STPG2: variants seen among roughly 807,000 people sequenced by gnomAD.
The protein encoded by STPG2 is sperm-tail PG-rich repeat-containing protein 2.
STPG2 carries 56 observed loss-of-function variants against 54.2 expected under a neutral mutation model. The ratio of observed to expected loss-of-function variants is 1.03; its 90% CI spans 0.83 to 1.29. The LOEUF (loss-of-function observed/expected upper bound fraction) is 1.29. Ranked by LOEUF, STPG2 falls within the 50% of genes most tolerant of loss-of-function variation. The pLI is 0.00. For missense variants in STPG2, 596 were observed against 544.9 expected (o/e 1.09, Z -0.93); for synonymous variants, 200 against 181.8 (o/e 1.10, Z -0.81).
chr4:97,971,172 T>C (rs771214378), intron 7 of STPG2, among the ~76,000 whole-genome samples: 1 of 152,214 alleles, frequency 6.6e-6, no homozygotes, highest in Admixed American at 6.5e-5. Flanking sequence ...GGAGAGGACG[T>C]GGAGAAATAG....
chr4:97,636,041 T>C (rs1284366831), intron 10 of STPG2, among the ~76,000 whole-genome samples: 1 of 151,998 alleles, frequency 6.6e-6, no homozygotes. Context: ...AATATACATT[T>C]TTTTCAGCAC....
At chr4:97,745,257 A>T (rs1159806834) in intron 9 of STPG2, among the ~76,000 whole-genome samples, 1 of 98,336 alleles carries the variant, frequency 1.0e-5, no homozygotes, top group Non-Finnish European at 2.1e-5. Flanking sequence ...AAAAAAAACA[A>T]AAAAACAAAA....
chr4:98,106,172 G>T, intron 4 of STPG2, 108 bp from the exon 5 acceptor site: 3 of 785,742 alleles, frequency 3.8e-6, no homozygotes, highest in Non-Finnish European at 3.6e-6. Context: ...ATTAAACTAT[G>T]GAATAATAAG....
chr4:97,450,651 G>A (rs1379995177), intron 4 of STPG2, among the ~76,000 whole-genome samples: 3 of 152,164 alleles, frequency 2.0e-5, no homozygotes. Context: ...TTTAGTAACT[G>A]AAAGTAGGCT....
At chr4:98,130,079 T>C in intron 2 of STPG2, among the ~76,000 whole-genome samples, 1 of 151,348 alleles carries the variant, frequency 6.6e-6, no homozygotes, top group Non-Finnish European at 1.5e-5. Context: ...AAGCTGGTCT[T>C]GAACTCCTGA....
At chr4:97,766,183 T>C (rs1726044359) in intron 9 of STPG2, among the ~76,000 whole-genome samples, 1 of 152,108 alleles carries the variant, frequency 6.6e-6, no homozygotes, top group African/African-American at 2.4e-5. Context: ...ACCAAAGACT[T>C]TCCCCATGTC....
At chr4:97,533,834 C>T (rs1731469435) in intron 4 of STPG2, among the ~76,000 whole-genome samples, 1 of 152,046 alleles carries the variant, frequency 6.6e-6, no homozygotes, top group Non-Finnish European at 1.5e-5. Context: ...CTTAACAAAA[C>T]AGTGTGAAAA....
chr4:97,811,436 G>A (rs1280636028), intron 9 of STPG2, among the ~76,000 whole-genome samples: 2 of 151,770 alleles, frequency 1.3e-5, no homozygotes, highest in Admixed American at 1.3e-4. Flanking sequence ...TAAGGGCATT[G>A]TTCTTTCTAG....
intron 9 of STPG2, among the ~76,000 whole-genome samples, chr4:97,765,112 G>T (rs1726001779): frequency 2.0e-5 from 3 of 152,068 alleles, no homozygotes; most frequent in Admixed American, 1.3e-4. Flanking sequence ...TTTTGGAATG[G>T]TCATGAGGAT....
At chr4:97,803,269 G>A (rs962980848) in intron 9 of STPG2, among the ~76,000 whole-genome samples, 1 of 152,034 alleles carries the variant, frequency 6.6e-6, no homozygotes, top group African/African-American at 2.4e-5. Context: ...TTTAAAATAT[G>A]TTCACCAAAG....
intron 5 of STPG2, among the ~76,000 whole-genome samples, chr4:98,033,447 T>A (rs1245202994): frequency 6.6e-6 from 1 of 151,774 alleles, no homozygotes; most frequent in Non-Finnish European, 1.5e-5. Flanking sequence ...GTTCTGAAAT[T>A]GAGGCAGTAA....
intron 7 of STPG2, among the ~76,000 whole-genome samples, chr4:97,953,063 G>A (rs972051987): frequency 1.3e-5 from 2 of 152,266 alleles, no homozygotes; most frequent in Admixed American, 1.3e-4. Flanking sequence ...AAACATTTCT[G>A]TCCTTTGTGT....
intron 9 of STPG2, among the ~76,000 whole-genome samples, chr4:97,783,090 T>G (rs1323355098): frequency 6.6e-6 from 1 of 152,164 alleles, no homozygotes; most frequent in Non-Finnish European, 1.5e-5. Flanking sequence ...TGGATCTAAT[T>G]AAATTAAAGA....
intron 5 of STPG2, among the ~76,000 whole-genome samples, chr4:97,989,591 C>G (rs1734946906): frequency 6.6e-6 from 1 of 152,142 alleles, no homozygotes; most frequent in Non-Finnish European, 1.5e-5. Context: ...ATCTTAGCAA[C>G]CTCAACATAT....
At chr4:98,101,212 GC>G (rs569555222) in intron 5 of STPG2, among the ~76,000 whole-genome samples, 169 of 152,230 alleles carry the variant, frequency 1.1e-3, no homozygotes, top group African/African-American at 3.9e-3. Context: ...CATTTAGGCA[GC>G]TAAGACTATG....
At chr4:98,067,027 AC>A (rs1438154005) in intron 5 of STPG2, among the ~76,000 whole-genome samples, 1 of 152,206 alleles carries the variant, frequency 6.6e-6, no homozygotes, top group Non-Finnish European at 1.5e-5. Context: ...TTAAAACAAC[AC>A]ATCGAGAAAA....
In STPG2 at chr4:98,072,718, TAGG is replaced by T. The variant is rs535984185; in HGVS notation, c.612+33232_612+33234del. ...CCCTATTCACATTGTCCCATTAGGC[TAGG>T]AGATCAGGAAACCAGAGCCAAGATG... is the stretch of plus-strand genomic sequence containing the variant. On this transcript the variant is annotated intron_variant, in intron 5 of 10. Coordinates refer to ENST00000295268, the MANE Select transcript of STPG2 (RefSeq NM_174952.3). 2.6e-5 allele frequency among the ~76,000 whole-genome samples: 4 copies of T among 152,314 alleles called. No homozygotes were observed. In the East Asian group the frequency reaches 5.8e-4, roughly 22 times the overall value.
At chr4:97,628,876 T>C (rs1294868218) in intron 10 of STPG2, among the ~76,000 whole-genome samples, 1 of 152,068 alleles carries the variant, frequency 6.6e-6, no homozygotes, top group African/African-American at 2.4e-5. Context: ...TTCGTGCTGG[T>C]AAGTGGAATC....
chr4:97,760,099 C>A (rs933557842), intron 9 of STPG2, among the ~76,000 whole-genome samples: 6 of 152,166 alleles, frequency 3.9e-5, no homozygotes, highest in Non-Finnish European at 8.8e-5. Context: ...ACAGGAAATT[C>A]TTTCATGTTA....
Sources: allele counts gnomAD v4.1 joint callset (sites outside exome capture counted in the v4.1 genomes callset), GRCh38; gene constraint gnomAD v4.1.1; transcripts MANE v1.5; gene names NCBI Gene and HGNC (gene_info 2026-07-23, HGNC 2026-07-21).